The following ARHGEF33 variants were observed in gnomAD, a reference collection of about 807,000 sequenced individuals.
ARHGEF33 encodes the protein Rho guanine nucleotide exchange factor 33.
In ARHGEF33, 72 loss-of-function variants were observed where a neutral mutation model predicts 101.9. The ratio of observed to expected loss-of-function variants is 0.71; its 90% confidence interval spans 0.58 to 0.86. The LOEUF is 0.86. Ranked by LOEUF, ARHGEF33 falls within the 40% of genes least tolerant of loss-of-function variation. The pLI is 0.00. For synonymous variants in ARHGEF33, 499 were observed against 442.5 expected (o/e 1.13, Z -1.60); for missense variants, 1,169 against 1,111.3 (o/e 1.05, Z -0.74).
At chr2:38,929,945 C>G in intron 6 of ARHGEF33, 115 bp downstream of exon 6, 2 of 859,286 alleles carry the variant, frequency 2.3e-6, no homozygotes, top group Non-Finnish European at 1.7e-6. Context: ...CTGTGCTCCA[C>G]AGCTTGGCAT....
chr2:38,971,784 A>G (rs959793955), intron 17 of ARHGEF33: 4 of 717,278 alleles, frequency 5.6e-6, no homozygotes, highest in Non-Finnish European at 1.0e-5. Context: ...GGGAAGGTAC[A>G]ATTTGTGAGA....
At chr2:38,901,844 G>A (rs570856541) in intron 2 of ARHGEF33, among the ~76,000 whole-genome samples, 3 of 152,202 alleles carry the variant, frequency 2.0e-5, no homozygotes, top group Non-Finnish European at 2.9e-5. Flanking sequence ...GGCCGGGCAC[G>A]GTGGCTCACG....
At chr2:38,931,307 A>C in intron 7 of ARHGEF33, 56 bp downstream of exon 7, 6 of 1,431,002 alleles carry the variant, frequency 4.2e-6, no homozygotes, top group Non-Finnish European at 5.6e-6. Context: ...AATTCCCCCA[A>C]TTAAGAATGG....
intron 12 of ARHGEF33, 137 bp from the exon 13 acceptor site, chr2:38,954,236 C>G (rs1667685049): frequency 1.6e-6 from 1 of 629,234 alleles, no homozygotes; most frequent in Admixed American, 2.6e-5. Context: ...TCCTATGAGA[C>G]AGCAATGCTC....
rs397871559 is a variant in ARHGEF33 at position 38,967,936 on chromosome 2, C to CTT, written c.2483+1818_2483+1819dup. Among the ~76,000 whole-genome samples the CTT allele has an allele frequency of 1.0e-3, 101 of 96,352 alleles. 2 individuals are homozygous for CTT. Among genetic ancestry groups the CTT allele is most frequent in the South Asian group, 3.9e-3 (10 of 2,588 alleles). The allele number at this position is 96,352 out of a possible 152,430, so 63.2% of individuals were successfully genotyped here. A position where few individuals can be genotyped will look rare whatever the true frequency, so the allele number is the denominator to read the frequency against. ...TCCTAAGGGCACAGCTTGAGCCTAT[C>CTT]TTTTTTTTTTTTTTTTTTTTTTTTT... On this transcript the variant is annotated intron_variant, in intron 17 of 17. Transcript: ENST00000409978.
chr2:38,916,051 A>G (rs1666625758), intron 2 of ARHGEF33, among the ~76,000 whole-genome samples: 1 of 152,190 alleles, frequency 6.6e-6, no homozygotes, highest in African/African-American at 2.4e-5. Flanking sequence ...AGAAAGTATT[A>G]TGTCTTGAAA....
chr2:38,945,606 C>A (rs1667427314), intron 10 of ARHGEF33, among the ~76,000 whole-genome samples: 1 of 152,242 alleles, frequency 6.6e-6, no homozygotes, highest in African/African-American at 2.4e-5. Flanking sequence ...AGCTGTCTTG[C>A]TGTTGCCAAA....
chr2:38,907,111 C>A (rs1412452272), intron 2 of ARHGEF33, among the ~76,000 whole-genome samples: 1 of 152,054 alleles, frequency 6.6e-6, no homozygotes, highest in Non-Finnish European at 1.5e-5. Flanking sequence ...GACCGAGATC[C>A]CCAGGTAGGA....
chr2:38,911,783 G>A (rs1421753822), intron 2 of ARHGEF33, among the ~76,000 whole-genome samples: 1 of 152,170 alleles, frequency 6.6e-6, no homozygotes, highest in African/African-American at 2.4e-5. Flanking sequence ...GGCTGAGGCA[G>A]GAGGATTGCT....
intron 12 of ARHGEF33, among the ~76,000 whole-genome samples, chr2:38,953,862 C>T (rs909124633): frequency 2.6e-5 from 4 of 152,224 alleles, no homozygotes; most frequent in Non-Finnish European, 5.9e-5. Context: ...ACCATGTTAG[C>T]TTTCAGCAAA....
intron 2 of ARHGEF33, among the ~76,000 whole-genome samples, chr2:38,908,024 A>G (rs1666430985): frequency 6.6e-6 from 1 of 151,598 alleles, no homozygotes; most frequent in African/African-American, 2.4e-5. Context: ...ATGCCTGGCT[A>G]ATTGAAAAAA....
rs575357712 is a variant in ARHGEF33 at position 38,911,624 on chromosome 2, G to A, written c.-85-7739G>A. Reference sequence around the variant, plus strand: ...TTCTGAATTAATTTTACACAAATATGGCTATAACTTCTTATTGTTTCAACA... The same window carrying A: ...TTCTGAATTAATTTTACACAAATATAGCTATAACTTCTTATTGTTTCAACA... On this transcript the variant is annotated intron_variant, in intron 2 of 17. Coordinates refer to ENST00000409978, the MANE Select transcript of ARHGEF33 (RefSeq NM_001145451.5). 2.6e-4 allele frequency among the ~76,000 whole-genome samples: 40 copies of A among 152,264 alleles called. No homozygotes were observed. The East Asian group carries it at 3.3e-3, about 12-fold the overall frequency.
intron 1 of ARHGEF33, among the ~76,000 whole-genome samples, chr2:38,893,626 G>T (rs926119030): frequency 6.6e-6 from 1 of 152,122 alleles, no homozygotes; most frequent in Non-Finnish European, 1.5e-5. Flanking sequence ...TCCATTATAT[G>T]TTACAGTTAT....
intron 9 of ARHGEF33, among the ~76,000 whole-genome samples, chr2:38,938,322 C>T (rs769757910): frequency 6.6e-6 from 1 of 152,008 alleles, no homozygotes; most frequent in African/African-American, 2.4e-5. Flanking sequence ...ATCCATTGGG[C>T]CCAGGAGTTG....
chr2:38,926,535 G>A (rs1666874248), intron 4 of ARHGEF33, among the ~76,000 whole-genome samples: 1 of 152,160 alleles, frequency 6.6e-6, no homozygotes, highest in African/African-American at 2.4e-5. Flanking sequence ...TGTTTACAAA[G>A]CAGTAGCAAC....
intron 17 of ARHGEF33, 73 bp from the exon 18 acceptor site, chr2:38,973,641 G>T: frequency 7.2e-7 from 1 of 1,396,452 alleles, no homozygotes. Flanking sequence ...CAAAACAATT[G>T]GGATAGATAA....
Position 38,974,786 on chromosome 2 carries a change from G to C in ARHGEF33, c.*943G>C, listed in dbSNP as rs527671054. 2 of 152,322 alleles carry C rather than the reference G, an allele frequency of 1.3e-5. No individual in the cohort carries two copies. The highest frequency in any genetic ancestry group is 4.8e-5 in the African/African-American group (2 of 41,578). 9.4% of individuals were successfully genotyped at this position (152,322 alleles called of 1,614,324 possible). ...TCACACACAGCAGTTGCTACAAACA[G>C]CAGGTCAAAGTGAAAATTCAGGATT... is the stretch of plus-strand genomic sequence containing the variant. On this transcript the variant is annotated 3_prime_UTR_variant, in exon 18 of 18. Transcript: ENST00000409978.
At chr2:38,970,830 G>A (rs1668151640) in intron 17 of ARHGEF33, among the ~76,000 whole-genome samples, 1 of 152,198 alleles carries the variant, frequency 6.6e-6, no homozygotes, top group South Asian at 2.1e-4. Context: ...TCCTCTTGCA[G>A]CTGTTTGGAA....
chr2:38,895,051 G>T (rs1037137442), intron 1 of ARHGEF33, among the ~76,000 whole-genome samples: 8 of 152,118 alleles, frequency 5.3e-5, no homozygotes, highest in African/African-American at 1.9e-4. Flanking sequence ...GTGACAAAAG[G>T]TGACCAAGTA....
Sources: gnomAD v4.1 joint callset for allele counts (sites outside exome capture counted in the v4.1 genomes callset) on GRCh38, gnomAD v4.1.1 for gene constraint, MANE v1.5 for transcripts, NCBI Gene and HGNC (gene_info 2026-07-23, HGNC 2026-07-21) for gene names.